CLDN10: variants seen among roughly 807,000 people sequenced by gnomAD.
CLDN10 encodes the protein claudin-10.
CLDN10 carries 15 observed loss-of-function variants against 22.9 expected under a neutral mutation model. The observed-to-expected ratio is 0.65, with a 90% CI of 0.44 to 1.01. The LOEUF is 1.01. Among genes scored for constraint, CLDN10 ranks in the 50% least tolerant of loss-of-function variants. The pLI is 0.00. For synonymous variants in CLDN10, 114 were observed against 111.4 expected, an observed-to-expected ratio of 1.02 and a Z score of -0.15; for missense variants, 247 against 287.8, an observed-to-expected ratio of 0.86 and a Z score of 1.03.
At chr13:95,445,997 G>A (rs1052815682) in intron 1 of CLDN10, among the ~76,000 whole-genome samples, 2 of 152,152 alleles carry the variant, frequency 1.3e-5, no homozygotes, top group Non-Finnish European at 1.5e-5. Context: ...GAGAGGTTTT[G>A]AAATCACTTC....
At chr13:95,438,630 C>T (rs1479869265) in intron 1 of CLDN10, among the ~76,000 whole-genome samples, 1 of 152,184 alleles carries the variant, frequency 6.6e-6, no homozygotes, top group Non-Finnish European at 1.5e-5. Flanking sequence ...TCTCTCCTCA[C>T]TTTCCAGATG....
intron 1 of CLDN10, among the ~76,000 whole-genome samples, chr13:95,496,297 G>A (rs186214787): frequency 6.6e-6 from 1 of 152,338 alleles, no homozygotes; most frequent in East Asian, 1.9e-4. Context: ...TAAGTGGGGA[G>A]ATATTCCATA....
At chr13:95,563,916 G>T (rs2138665607) in intron 3 of CLDN10, among the ~76,000 whole-genome samples, 2 of 152,320 alleles carry the variant, frequency 1.3e-5, no homozygotes, top group South Asian at 4.1e-4. Flanking sequence ...AAAATGAACT[G>T]ATTTCCTAGC....
At chr13:95,503,329 T>C (rs760571387) in intron 1 of CLDN10, among the ~76,000 whole-genome samples, 5 of 152,160 alleles carry the variant, frequency 3.3e-5, no homozygotes, top group African/African-American at 7.2e-5. Flanking sequence ...GTGGCTAATA[T>C]TGAGGGTTAA....
chr13:95,460,796 A>G (rs894799108), intron 1 of CLDN10, among the ~76,000 whole-genome samples: 1 of 151,776 alleles, frequency 6.6e-6, no homozygotes, highest in Non-Finnish European at 1.5e-5. Context: ...ACAGGCACAT[A>G]CCACCGCACT....
intron 1 of CLDN10, among the ~76,000 whole-genome samples, chr13:95,502,851 A>C (rs878929778): frequency 1.3e-5 from 2 of 151,968 alleles, no homozygotes; most frequent in Admixed American, 1.3e-4. Context: ...GGGGATGTGC[A>C]CTCTCCCGAT....
rs56278645 is a variant in CLDN10 at position 95,434,445 on chromosome 13, GTCTC to G, written c.214+408_214+411del. 4.3e-5 allele frequency among the ~76,000 whole-genome samples: 6 copies of G among 140,436 alleles called. No individual in the cohort carries two copies. The South Asian group carries it at 1.1e-3, about 26-fold the overall frequency. The allele number at this position is 140,436 out of a possible 152,430, so 92.1% of individuals were successfully genotyped here. A position where few individuals can be genotyped will look rare whatever the true frequency, so the allele number is the denominator to read the frequency against. The stretch of plus-strand genomic sequence containing the variant: ...TCTCTTCCTCTCTCTCTCTCTCTCT[GTCTC>G]TCTCTCTCTATATATATATACACCC... On this transcript the variant is annotated intron_variant, in intron 1 of 4. Coordinates refer to the CLDN10 transcript ENST00000376873.
intron 1 of CLDN10, among the ~76,000 whole-genome samples, chr13:95,472,691 G>A (rs1594542700): frequency 7.0e-6 from 1 of 143,384 alleles, no homozygotes; most frequent in Middle Eastern, 4.0e-3. Flanking sequence ...AAAAAATAGA[G>A]TGGGATACTT....
chr13:95,446,579 C>T (rs919299180), intron 1 of CLDN10, among the ~76,000 whole-genome samples: 34 of 152,348 alleles, frequency 2.2e-4, no homozygotes, highest in Non-Finnish European at 3.7e-4. Flanking sequence ...CAGTGGCTCA[C>T]GCCTGTAATC....
intron 1 of CLDN10, among the ~76,000 whole-genome samples, chr13:95,442,608 A>C (rs80230948): frequency 0.05 from 7,633 of 152,296 alleles, 216 homozygotes; most frequent in Non-Finnish European, 0.068. Flanking sequence ...TTTGGGCTCC[A>C]CAGGGGAAGG....
At chr13:95,552,657 C>CGGAGGCGGAGGCG, upstream of CLDN10, 2 of 1,371,468 alleles carry the variant, frequency 1.5e-6, no homozygotes, top group Non-Finnish European at 1.9e-6. Flanking sequence ...GGACGGTGGG[C>CGGAGGCGGAGGCG]GGAGGCGGAG....
At chr13:95,503,181 A>G (rs2043003749) in intron 1 of CLDN10, among the ~76,000 whole-genome samples, 1 of 152,226 alleles carries the variant, frequency 6.6e-6, no homozygotes, top group African/African-American at 2.4e-5. Context: ...TTTTGATCTC[A>G]AGACAGAAGC....
chr13:95,492,898 G>C (rs1178979740), intron 1 of CLDN10, among the ~76,000 whole-genome samples: 3 of 152,082 alleles, frequency 2.0e-5, no homozygotes, highest in Non-Finnish European at 2.9e-5. Context: ...ACTTGACTCA[G>C]CTTGAGGTAA....
chr13:95,556,788 CT>C lies in CLDN10; in HGVS notation c.221-3343del, dbSNP rs148033408. Among the ~76,000 whole-genome samples, 455 of 152,318 alleles carry C rather than the reference CT, an allele frequency of 3.0e-3. 1 individual carries two copies. Among genetic ancestry groups the C allele is most frequent in the African/African-American group, 0.01 (422 of 41,570 alleles). On this transcript the variant is annotated intron_variant, in intron 1 of 4. Transcript: ENST00000299339. Reference sequence around the variant, plus strand: ...AGAAAAGCACATTCTTTTTTCCCCCCTAAATCCATCAACTAGCACAGGTGCT... The same window carrying C: ...AGAAAAGCACATTCTTTTTTCCCCCCAAATCCATCAACTAGCACAGGTGCT...
chr13:95,496,765 G>A (rs2042934166), intron 1 of CLDN10, among the ~76,000 whole-genome samples: 1 of 152,190 alleles, frequency 6.6e-6, no homozygotes, highest in African/African-American at 2.4e-5. Flanking sequence ...ATTTCCTGAA[G>A]ACTCCACCTC....
chr13:95,441,925 T>C (rs1594520695), intron 1 of CLDN10, among the ~76,000 whole-genome samples: 2 of 152,178 alleles, frequency 1.3e-5, no homozygotes, highest in South Asian at 4.2e-4. Flanking sequence ...ACAAGCCAGG[T>C]GGATCGCTTG....
At chr13:95,514,203 G>A (rs991535003) in intron 1 of CLDN10, among the ~76,000 whole-genome samples, 2 of 152,138 alleles carry the variant, frequency 1.3e-5, no homozygotes, top group Non-Finnish European at 2.9e-5. Flanking sequence ...AGGTTACAGT[G>A]AGCTGTGATT....
chr13:95,567,211 C>G (rs1051986531), intron 3 of CLDN10, among the ~76,000 whole-genome samples: 2 of 152,142 alleles, frequency 1.3e-5, no homozygotes, highest in African/African-American at 4.8e-5. Context: ...TTACCTTGGG[C>G]AGTATGGCCA....
At chr13:95,463,309 T>TGCC (rs2042553715) in intron 1 of CLDN10, among the ~76,000 whole-genome samples, 1 of 110,936 alleles carries the variant, frequency 9.0e-6, no homozygotes, top group Non-Finnish European at 1.9e-5. Context: ...TATATATATA[T>TGCC]ATATATATAT....
Sources: allele counts gnomAD v4.1 joint callset (sites outside exome capture counted in the v4.1 genomes callset), GRCh38; gene constraint gnomAD v4.1.1; transcripts MANE v1.5; gene names NCBI Gene and HGNC (gene_info 2026-07-23, HGNC 2026-07-21).